The following CDK19 variants were observed in gnomAD, a reference collection of about 807,000 sequenced individuals.
CDK19 encodes cyclin-dependent kinase 19.
Under a neutral mutation model 68.3 loss-of-function variants are expected in CDK19, and 20 were observed. The ratio of observed to expected loss-of-function variants is 0.29; its 90% CI spans 0.21 to 0.43. The LOEUF (loss-of-function observed/expected upper bound fraction) is 0.43, where lower values mean the gene tolerates loss of function less well. Ranked by LOEUF, CDK19 falls within the 20% of genes least tolerant of loss-of-function variation. CDK19 has a pLI of 1.00. For missense variants in CDK19, 339 were observed against 623.5 expected, an observed-to-expected ratio of 0.54 and a Z score of 4.86; for synonymous variants, 221 against 222.8, an observed-to-expected ratio of 0.99 and a Z score of 0.07.
intron 4 of CDK19, among the ~76,000 whole-genome samples, chr6:110,662,779 C>G (rs1454734392): frequency 6.6e-6 from 1 of 152,178 alleles, no homozygotes; most frequent in Admixed American, 6.5e-5. Flanking sequence ...TACATCTTTT[C>G]TCCCTTGGTG....
At position 110,610,384 on chromosome 6, in the gene CDK19, T is replaced by C. The variant is rs912194506; in HGVS notation, c.*4151A>G. 6.6e-6 allele frequency: 1 copy of C among 152,630 alleles called. No individual in the cohort carries two copies. Among genetic ancestry groups the C allele is most frequent in the African/African-American group, 2.4e-5 (1 of 41,442 alleles). 9.5% of individuals were successfully genotyped at this position (152,630 alleles called of 1,614,324 possible). ...AAAAAGGACACCTTCAGTCCAGATT[T>C]TGTGTAATACTTTTAGTGTCTACAC... On this transcript the variant is annotated 3_prime_UTR_variant, in exon 13 of 13. Transcript: ENST00000368911.
At chr6:110,787,170 C>T (rs1194414482) in intron 1 of CDK19, among the ~76,000 whole-genome samples, 3 of 152,028 alleles carry the variant, frequency 2.0e-5, no homozygotes, top group African/African-American at 7.2e-5. Flanking sequence ...GTCAGGAGTT[C>T]GAGACCAGCC....
At chr6:110,741,920 A>T (rs1302123021) in intron 2 of CDK19, among the ~76,000 whole-genome samples, 1 of 152,244 alleles carries the variant, frequency 6.6e-6, no homozygotes, top group East Asian at 1.9e-4. Context: ...ATACAAAAAA[A>T]TACTAACAGG....
intron 2 of CDK19, among the ~76,000 whole-genome samples, chr6:110,734,013 TG>T (rs1776974779): frequency 6.6e-6 from 1 of 152,088 alleles, no homozygotes; most frequent in Non-Finnish European, 1.5e-5. Flanking sequence ...TCACCAACTT[TG>T]GTTTTTTTGT....
rs564986171 is a variant in CDK19, at chr6:110,749,926, C to A, written c.129-3725G>T. On this transcript the variant is annotated intron_variant, in intron 1 of 12. Coordinates refer to ENST00000368911, the MANE Select transcript of CDK19 (RefSeq NM_015076.5). ...AGCTGGGACTACAGGTGCCCGCCAC[C>A]ACACCCAGATAATTTTTGTATTTTT... Among the ~76,000 whole-genome samples, 4 of 143,176 alleles carry A rather than the reference C, an allele frequency of 2.8e-5. 1 individual carries two copies. The highest frequency in any genetic ancestry group is 6.1e-5 in the Non-Finnish European group (4 of 65,152). 93.9% of individuals were successfully genotyped at this position (143,176 alleles called of 152,430 possible).
intron 2 of CDK19, 88 bp from the exon 3 acceptor site, chr6:110,670,629 T>G: frequency 2.5e-6 from 2 of 795,532 alleles, no homozygotes; most frequent in Non-Finnish European, 4.3e-6. Flanking sequence ...ACGAAATTTC[T>G]GAAAATCTAG....
At chr6:110,787,280 A>C (rs1053974483) in intron 1 of CDK19, among the ~76,000 whole-genome samples, 1 of 152,146 alleles carries the variant, frequency 6.6e-6, no homozygotes, top group Admixed American at 6.5e-5. Flanking sequence ...AGGCTGAGGC[A>C]GGAGAATCGT....
At position 110,733,055 on chromosome 6, in the gene CDK19, A is replaced by G. The variant is rs923745161; in HGVS notation, c.204+13071T>C. Among the ~76,000 whole-genome samples the G allele has an allele frequency of 2.6e-5, 4 of 152,070 alleles. 1 individual carries two copies. The South Asian group carries it at 8.3e-4, about 32-fold the overall frequency. On this transcript the variant is annotated intron_variant, in intron 2 of 12. Transcript: ENST00000368911. ...TGCACTCCAGCCTGGGCAACAGAAG[A>G]CATACAACATTTTCATTACCCTGTA...
At chr6:110,745,699 G>A (rs911419500) in intron 2 of CDK19, among the ~76,000 whole-genome samples, 4 of 152,196 alleles carry the variant, frequency 2.6e-5, no homozygotes, top group African/African-American at 9.6e-5. Flanking sequence ...ACATATGGTG[G>A]CTCACACCTT....
At chr6:110,742,835 C>A (rs914163909) in intron 2 of CDK19, among the ~76,000 whole-genome samples, 1 of 152,160 alleles carries the variant, frequency 6.6e-6, no homozygotes. Flanking sequence ...ACGTGCACAG[C>A]GGGACATAGA....
At chr6:110,642,301 T>C (rs1780248576) in intron 4 of CDK19, among the ~76,000 whole-genome samples, 1 of 118,392 alleles carries the variant, frequency 8.4e-6, no homozygotes, top group Admixed American at 8.1e-5. Flanking sequence ...AGAGTGAGAC[T>C]CTGTTTCAAA....
At chr6:110,725,386 C>T (rs1365325153) in intron 2 of CDK19, among the ~76,000 whole-genome samples, 1 of 152,024 alleles carries the variant, frequency 6.6e-6, no homozygotes, top group African/African-American at 2.4e-5. Flanking sequence ...TCCCTAAACC[C>T]TCTCAGAAAA....
chr6:110,708,192 C>G (rs1774670828), intron 2 of CDK19, among the ~76,000 whole-genome samples: 1 of 152,162 alleles, frequency 6.6e-6, no homozygotes, highest in Non-Finnish European at 1.5e-5. Flanking sequence ...GACTACCACA[C>G]TGGACAGTAC....
rs1026108567 is a variant in CDK19 at position 110,645,978 on chromosome 6, C to A, written c.457-7272G>T. The A allele has an allele frequency of 5.1e-5, 60 of 1,165,454 alleles. No homozygotes were observed. The African/African-American group carries it at 8.2e-4, about 16-fold the overall frequency. 72.2% of individuals were successfully genotyped at this position (1,165,454 alleles called of 1,614,324 possible). On this transcript the variant is annotated intron_variant, in intron 4 of 12. Coordinates refer to ENST00000368911, the MANE Select transcript of CDK19 (RefSeq NM_015076.5). Reference sequence around the variant, plus strand: ...CGAGGGCTTCTACAACGAGCACATGCAGCGCGTCTTCAAGTATCTGGGCAA... The same window carrying A: ...CGAGGGCTTCTACAACGAGCACATGAAGCGCGTCTTCAAGTATCTGGGCAA...
At chr6:110,721,801 A>G (rs1775911583) in intron 2 of CDK19, among the ~76,000 whole-genome samples, 1 of 152,006 alleles carries the variant, frequency 6.6e-6, no homozygotes, top group Non-Finnish European at 1.5e-5. Flanking sequence ...CGTCTCTACA[A>G]AAAAATACAA....
intron 1 of CDK19, among the ~76,000 whole-genome samples, chr6:110,800,798 G>A (rs571095825): frequency 1.3e-5 from 2 of 152,132 alleles, no homozygotes; most frequent in East Asian, 1.9e-4. Flanking sequence ...AAGGAACATA[G>A]CTCAAAATAA....
intron 1 of CDK19, among the ~76,000 whole-genome samples, chr6:110,811,903 A>G (rs1357388507): frequency 6.6e-6 from 1 of 151,462 alleles, no homozygotes; most frequent in East Asian, 1.9e-4. Context: ...TTTTAAAGTA[A>G]AAGAGAGTTG....
chr6:110,656,879 T>C (rs1203052511), intron 4 of CDK19, among the ~76,000 whole-genome samples: 1 of 152,250 alleles, frequency 6.6e-6, no homozygotes, highest in African/African-American at 2.4e-5. Context: ...TCGCGATATA[T>C]TCCACATTAA....
chr6:110,678,727 C>G (rs149154812), intron 2 of CDK19, among the ~76,000 whole-genome samples: 376 of 152,220 alleles, frequency 2.5e-3, no homozygotes, highest in African/African-American at 8.9e-3. Flanking sequence ...GAAAAAAATG[C>G]ATTGTTAGGG....
Sources: gnomAD v4.1 joint callset for allele counts (sites outside exome capture counted in the v4.1 genomes callset) on GRCh38, gnomAD v4.1.1 for gene constraint, MANE v1.5 for transcripts, NCBI Gene and HGNC (gene_info 2026-07-23, HGNC 2026-07-21) for gene names.